GSE1: variants seen among roughly 807,000 people sequenced by gnomAD.
GSE1 encodes genetic suppressor element 1.
In GSE1, 32 loss-of-function variants were observed where a neutral mutation model predicts 112.6. The observed-to-expected ratio is 0.28, with a 90% confidence interval of 0.21 to 0.38. The LOEUF (loss-of-function observed/expected upper bound fraction) is 0.38. GSE1 is among the 10% of genes least tolerant of loss of function. The pLI is 1.00. For missense variants in GSE1, 2,348 were observed against 1,699.2 expected, an observed-to-expected ratio of 1.38 and a Z score of -6.71; for synonymous variants, 1,115 against 735.6, an observed-to-expected ratio of 1.52 and a Z score of -8.35.
At chr16:85,292,179 C>T (rs1597310070) in intron 1 of GSE1, among the ~76,000 whole-genome samples, 1 of 151,306 alleles carries the variant, frequency 6.6e-6, no homozygotes, top group Non-Finnish European at 1.5e-5. Context: ...CTCACTGTCA[C>T]CCAGGCTGGA....
rs375375845 is a variant in GSE1, at chr16:85,568,642, C to T, written c.37+12279C>T. The stretch of plus-strand genomic sequence containing the variant: ...GGCAGCCAGCCTCGTGACCCAGATA[C>T]GGGCTTATTACCCAGGGCGGAGGCT... On this transcript the variant is annotated intron_variant, in intron 1 of 2. Transcript: ENST00000635906. Among the ~76,000 whole-genome samples, 16 of 151,878 alleles carry T rather than the reference C, an allele frequency of 1.1e-4. No homozygotes were observed. The South Asian group carries it at 1.2e-3, about 12-fold the overall frequency.
At chr16:85,308,728 G>A (rs1024909311) in intron 1 of GSE1, among the ~76,000 whole-genome samples, 1 of 151,830 alleles carries the variant, frequency 6.6e-6, no homozygotes, top group African/African-American at 2.4e-5. Flanking sequence ...CTTGAATTCT[G>A]CAAGACAGCT....
chr16:85,387,024 G>C (rs1167778706), intron 2 of GSE1, among the ~76,000 whole-genome samples: 1 of 152,180 alleles, frequency 6.6e-6, no homozygotes, highest in Admixed American at 6.5e-5. Flanking sequence ...CTGAGTTCTT[G>C]ACAATTTGAA....
At chr16:85,578,309 T>G (rs1160358224) in intron 1 of GSE1, among the ~76,000 whole-genome samples, 2 of 152,198 alleles carry the variant, frequency 1.3e-5, no homozygotes, top group Non-Finnish European at 2.9e-5. Context: ...ATGCCATGGA[T>G]AACGGTGGCA....
At chr16:85,645,728 A>G (rs562058900) in intron 2 of GSE1, among the ~76,000 whole-genome samples, 3 of 152,342 alleles carry the variant, frequency 2.0e-5, no homozygotes, top group Admixed American at 1.3e-4. Flanking sequence ...AACCAAGGCC[A>G]GGTCTGAACA....
chr16:85,272,140 C>T (rs367706045), intron 1 of GSE1, among the ~76,000 whole-genome samples: 30 of 152,366 alleles, frequency 2.0e-4, no homozygotes, highest in African/African-American at 6.5e-4. Flanking sequence ...TGGGTGCACA[C>T]GCAGGCCCGA....
intron 1 of GSE1, among the ~76,000 whole-genome samples, chr16:85,631,577 CCTGCCTGCTGGGACTGGCAT>C (rs556638248): frequency 5.8e-4 from 88 of 152,370 alleles, no homozygotes; most frequent in East Asian, 1.5e-3. Flanking sequence ...GGCTGGACCC[CCTGCCTGCTGGGACTGGCAT>C]CTGCCTGCTG....
At chr16:85,592,781 T>A (rs2047055719) in intron 1 of GSE1, 1 of 152,368 alleles carries the variant, frequency 6.6e-6, no homozygotes, top group South Asian at 2.1e-4. Flanking sequence ...TTACTGAACC[T>A]CTCTGTGCCT....
chr16:85,628,427 T>C lies in GSE1; in HGVS notation c.8-5487T>C, dbSNP rs576047931. On this transcript the variant is annotated intron_variant, in intron 1 of 15. Coordinates refer to ENST00000253458, the MANE Select transcript of GSE1 (RefSeq NM_014615.5). Reference sequence around the variant, plus strand: ...GGCCCGGGGAGCAGATATTGGGCTTTGTCAGAGGCCGGGGTAGGGAGGTTG... The same window carrying C: ...GGCCCGGGGAGCAGATATTGGGCTTCGTCAGAGGCCGGGGTAGGGAGGTTG... Among the ~76,000 whole-genome samples the C allele has an allele frequency of 7.2e-5, 11 of 152,296 alleles. No homozygotes were observed. In the South Asian group the frequency reaches 2.1e-3, roughly 29 times the overall value.
At position 85,373,431 on chromosome 16, in the gene GSE1, A is replaced by AG. The variant is rs899476199; in HGVS notation, c.2464+15792dup. ...AAAGCAAGGGAGGGAAGAGCAGAGGAGGGGAGGGGACGAGAACCTCTCCCC... is the reference window on the plus strand; with the variant it reads ...AAAGCAAGGGAGGGAAGAGCAGAGGAGGGGGAGGGGACGAGAACCTCTCCCC... On this transcript the variant is annotated intron_variant, in intron 2 of 2. Coordinates refer to the GSE1 transcript ENST00000637419. This position sits in a 1 kb window ranked among gnomAD's most constrained non-coding sequence, Gnocchi z 5.1. Among the ~76,000 whole-genome samples the AG allele has an allele frequency of 6.6e-6, 1 of 152,112 alleles. No homozygotes were observed. The highest frequency in any genetic ancestry group is 2.4e-5 in the African/African-American group (1 of 41,396).
intron 1 of GSE1, among the ~76,000 whole-genome samples, chr16:85,625,317 G>A (rs777446604): frequency 2.0e-5 from 3 of 152,184 alleles, no homozygotes; most frequent in Non-Finnish European, 4.4e-5. Context: ...GCCTCCATCC[G>A]GGAACCTCCG....
intron 2 of GSE1, among the ~76,000 whole-genome samples, chr16:85,368,193 C>T (rs2047226015): frequency 1.3e-5 from 2 of 152,152 alleles, no homozygotes; most frequent in African/African-American, 4.8e-5. Context: ...CCCGAGTTTC[C>T]TGGGTCAAGA....
At chr16:85,616,631 A>G (rs2048388525) in intron 1 of GSE1, among the ~76,000 whole-genome samples, 1 of 151,710 alleles carries the variant, frequency 6.6e-6, no homozygotes, top group Non-Finnish European at 1.5e-5. Flanking sequence ...GCAGAGATCC[A>G]TGTTGCAGGT....
At chr16:85,546,654 C>T (rs1218007345) in intron 2 of GSE1, among the ~76,000 whole-genome samples, 2 of 152,202 alleles carry the variant, frequency 1.3e-5, no homozygotes, top group Non-Finnish European at 1.5e-5. Flanking sequence ...AACAGAGGCT[C>T]GCACAGGCAG....
chr16:85,588,357 C>T (rs2046806443), intron 1 of GSE1, among the ~76,000 whole-genome samples: 1 of 152,214 alleles, frequency 6.6e-6, no homozygotes, highest in African/African-American at 2.4e-5. Flanking sequence ...CCCTTCCCCG[C>T]TGCGGGCCTT....
intron 2 of GSE1, among the ~76,000 whole-genome samples, chr16:85,526,736 C>T (rs1026070150): frequency 3.9e-5 from 6 of 152,200 alleles, no homozygotes; most frequent in African/African-American, 1.4e-4. Flanking sequence ...AGCCACCTCT[C>T]CCCTCACTTC....
chr16:85,341,195 T>C (rs1328535764), intron 1 of GSE1, among the ~76,000 whole-genome samples: 13 of 148,414 alleles, frequency 8.8e-5, no homozygotes, highest in Non-Finnish European at 1.8e-4. Flanking sequence ...GCTCTGTTGT[T>C]TACTTTTTTT....
In GSE1 at chr16:85,656,478, TGAGCGTGAGAAGGAGCGC is replaced by T. The variant is rs770140598; in HGVS notation, c.1131_1148del (p.Lys379_Glu384del). 7.1e-5 allele frequency: 109 copies of T among 1,524,892 alleles called. 2 individuals are homozygous for T. The South Asian group carries it at 8.4e-4, about 12-fold the overall frequency. 94.5% of individuals were successfully genotyped at this position (1,524,892 alleles called of 1,614,324 possible). A position where few individuals can be genotyped will look rare whatever the true frequency, so the allele number is the denominator to read the frequency against. On this transcript the variant is annotated inframe_deletion, in exon 7 of 16. Coordinates refer to ENST00000253458, the MANE Select transcript of GSE1 (RefSeq NM_014615.5). ...AGGAGCGCGAGCAAGAGAAGGAGCG[TGAGCGTGAGAAGGAGCGC>T]GAGCGCGAGCTGGAGCGCCAGCGGG...
Position 85,341,372 on chromosome 16 carries a change from T to C in GSE1, c.2284-16091T>C, listed in dbSNP as rs144515345. On this transcript the variant is annotated intron_variant, in intron 1 of 2. Transcript: ENST00000637419. ...GCTGAGCTAATTTTAAAAATTTTTG[T>C]AGAGGCCAGGCGTAGTGGCTTATGA... Among the ~76,000 whole-genome samples, 309 of 152,294 alleles carry C rather than the reference T, an allele frequency of 2.0e-3. 2 individuals carry two copies. The highest frequency in any genetic ancestry group is 7.0e-3 in the African/African-American group (290 of 41,576).
Sources: allele counts gnomAD v4.1 joint callset (sites outside exome capture counted in the v4.1 genomes callset), GRCh38; gene constraint gnomAD v4.1.1; non-coding constraint Gnocchi (gnomAD v3.1); transcripts MANE v1.5; gene names NCBI Gene and HGNC (gene_info 2026-07-23, HGNC 2026-07-21).